CP: variants seen among roughly 807,000 people sequenced by gnomAD.
The protein encoded by CP is ceruloplasmin.
In CP, 64 loss-of-function variants were observed where a neutral mutation model predicts 122.4. The observed-to-expected ratio is 0.52, with a 90% CI of 0.43 to 0.64. The LOEUF is 0.64. CP is among the 30% of genes least tolerant of loss of function. The pLI is 0.00. For synonymous variants in CP, 440 were observed against 436.4 expected (o/e 1.01, Z -0.10); for missense variants, 1,167 against 1,284.4 (o/e 0.91, Z 1.40).
chr3:149,193,297 A>G (rs768652267), intron 9 of CP, among the ~76,000 whole-genome samples: 6 of 152,214 alleles, frequency 3.9e-5, no homozygotes, highest in Non-Finnish European at 7.4e-5. Flanking sequence ...AAAAAATAGT[A>G]TGTCAAATAC....
At chr3:149,202,900 T>C (rs1349187679) in intron 6 of CP, among the ~76,000 whole-genome samples, 1 of 143,596 alleles carries the variant, frequency 7.0e-6, no homozygotes, top group Non-Finnish European at 1.5e-5. Flanking sequence ...TGAGCCACCA[T>C]GCCTGGCCTT....
chr3:149,186,440 C>T (rs1726176233), intron 11 of CP, 80 bp downstream of exon 11: 2 of 1,344,210 alleles, frequency 1.5e-6, no homozygotes, highest in Non-Finnish European at 2.1e-6. Context: ...AAGTTTATCA[C>T]CCAACACATT....
intron 6 of CP, among the ~76,000 whole-genome samples, chr3:149,205,842 T>C (rs1179017117): frequency 6.6e-6 from 1 of 152,206 alleles, no homozygotes; most frequent in Non-Finnish European, 1.5e-5. Context: ...TATGCAATAG[T>C]GTAACTGTAC....
intron 5 of CP, among the ~76,000 whole-genome samples, chr3:149,165,705 A>T (rs929945351): frequency 5.9e-5 from 9 of 152,190 alleles, no homozygotes; most frequent in Admixed American, 3.3e-4. Context: ...AGTTGAAGTT[A>T]TGACTACTTT....
intron 11 of CP, among the ~76,000 whole-genome samples, chr3:149,185,790 T>A (rs35752872): frequency 1.2e-3 from 181 of 152,354 alleles, no homozygotes; most frequent in African/African-American, 4.3e-3. Context: ...GCCTTATTTT[T>A]CTTTGTGTAC....
At chr3:149,193,672 G>A (rs902765204) in intron 9 of CP, among the ~76,000 whole-genome samples, 2 of 152,124 alleles carry the variant, frequency 1.3e-5, no homozygotes, top group African/African-American at 2.4e-5. Context: ...TTCACATTGT[G>A]TTGTATGCAT....
chr3:149,215,491 T>C (rs6777849), intron 1 of CP, among the ~76,000 whole-genome samples: 2,805 of 152,318 alleles, frequency 0.018, 86 homozygotes, highest in African/African-American at 0.065. Context: ...TTATACACAT[T>C]GCAATATGCA....
At chr3:149,203,572 T>C (rs1173754862) in intron 6 of CP, among the ~76,000 whole-genome samples, 2 of 152,242 alleles carry the variant, frequency 1.3e-5, no homozygotes, top group Non-Finnish European at 2.9e-5. Flanking sequence ...CCAGGAGCTT[T>C]TGTTTATTAG....
chr3:149,210,298 A>C lies in CP; in HGVS notation c.476T>G (p.Leu159Trp), dbSNP rs762074450. Residue 159 changes from leucine to tryptophan, a missense_variant, in exon 3 of 19, where the codon TTG becomes TGG. By Grantham distance (61) the Leu-to-Trp change is moderately conservative. Coordinates refer to ENST00000264613, the MANE Select transcript of CP (RefSeq NM_000096.4). ...VYPGEQYTYMLLATEEQSPGE... is the reference protein window; with the variant it reads ...VYPGEQYTYMWLATEEQSPGE... ...AGGACTTTGTTCTTCAGTGGCAAGC[A>C]ACATGTATGTATACTGCTCTCCTGG... The C allele has an allele frequency of 6.2e-7, 1 of 1,614,120 alleles. No individual in the cohort carries two copies. Among genetic ancestry groups the C allele is most frequent in the East Asian group, 2.2e-5 (1 of 44,880 alleles).
intron 14 of CP, 125 bp from the exon 15 acceptor site, chr3:149,179,787 G>C: frequency 1.4e-6 from 1 of 693,906 alleles, no homozygotes; most frequent in Non-Finnish European, 2.5e-6. Flanking sequence ...GGAAATGTCA[G>C]TGTAATTAGT....
rs34624984 is a variant in CP, at chr3:149,206,277, G to A, written c.1099C>T (p.Arg367Cys). ...CNKSSSKDNIRGKHVRHYYIA... is the reference protein window; with the variant it reads ...CNKSSSKDNICGKHVRHYYIA... ...TAGTAGTGTCTAACATGCTTCCCAC[G>A]GATATTATCCTTTGATGAAGACTTG... Residue 367 changes from arginine to cysteine, a missense_variant, in exon 6 of 19, where the codon CGT becomes TGT. Arg to Cys is a radical substitution (Grantham distance 180). Coordinates refer to ENST00000264613, the MANE Select transcript of CP (RefSeq NM_000096.4). 2.5e-3 allele frequency: 4,107 copies of A among 1,613,912 alleles called. 78 individuals carry two copies. In the African/African-American group the frequency reaches 0.044, roughly 17 times the overall value.
chr3:149,179,438 A>G, intron 15 of CP, 118 bp downstream of exon 15: 3 of 795,478 alleles, frequency 3.8e-6, no homozygotes, highest in Non-Finnish European at 6.4e-6. Flanking sequence ...GATTGCAAAC[A>G]GTTTATTTTC....
intron 4 of CP, 90 bp from the exon 5 acceptor site, chr3:149,207,707 T>C: frequency 1.4e-6 from 2 of 1,414,302 alleles, no homozygotes; most frequent in South Asian, 1.2e-5. Context: ...CAATTTGGAA[T>C]GGCAAATATC....
At chr3:149,195,540 A>G (rs1726844120) in intron 9 of CP, among the ~76,000 whole-genome samples, 1 of 152,246 alleles carries the variant, frequency 6.6e-6, no homozygotes, top group African/African-American at 2.4e-5. Context: ...AAACAATACT[A>G]TGAAGAGATG....
intron 11 of CP, chr3:149,186,301 T>A: frequency 1.7e-6 from 1 of 585,342 alleles, no homozygotes; most frequent in African/African-American, 1.9e-5. Flanking sequence ...AACCACACCA[T>A]GTTCTTTTAC....
chr3:149,163,359 T>A (rs1724081620), intron 5 of CP, among the ~76,000 whole-genome samples: 1 of 151,622 alleles, frequency 6.6e-6, no homozygotes, highest in South Asian at 2.1e-4. Context: ...AACAACTCTT[T>A]CTACCCTTCT....
At chr3:149,199,621 TC>T (rs1297082189) in intron 8 of CP, 90 bp downstream of exon 8, 85 of 1,488,774 alleles carry the variant, frequency 5.7e-5, no homozygotes, top group Non-Finnish European at 7.6e-5. Flanking sequence ...CCTTGGGAGT[TC>T]CTGCCTTCAG....
Position 149,206,278 on chromosome 3 carries a change from G to A in CP, c.1098C>T (p.Ile366=), listed in dbSNP as rs117829763. ...ECNKSSSKDN[I]RGKHVRHYYI... Reference sequence around the variant, plus strand: ...AGTAGTGTCTAACATGCTTCCCACGGATATTATCCTTTGATGAAGACTTGT... The same window carrying A: ...AGTAGTGTCTAACATGCTTCCCACGAATATTATCCTTTGATGAAGACTTGT... The change falls in exon 6 of 19, where the codon ATC becomes ATT. Residue 366 remains isoleucine, a synonymous_variant. Coordinates refer to ENST00000264613, the MANE Select transcript of CP (RefSeq NM_000096.4). The A allele has an allele frequency of 5.0e-6, 8 of 1,613,970 alleles. No individual in the cohort carries two copies. The East Asian group carries it at 1.3e-4, about 27-fold the overall frequency.
At chr3:149,179,711 T>TACACACACACACAC (rs71304221) in intron 14 of CP, 49 bp from the exon 15 acceptor site, 26 of 608,968 alleles carry the variant, frequency 4.3e-5, no homozygotes, top group East Asian at 2.4e-4. Flanking sequence ...GTTTATATTG[T>TACACACACACACAC]ACACACACAC....
Sources: allele counts gnomAD v4.1 joint callset (sites outside exome capture counted in the v4.1 genomes callset), GRCh38; gene constraint gnomAD v4.1.1; transcripts MANE v1.5; gene names NCBI Gene and HGNC (gene_info 2026-07-23, HGNC 2026-07-21).